Variants in MTX2 observed in about 807,000 individuals in gnomAD.
The protein encoded by MTX2 is metaxin-2.
Under a neutral mutation model 42.3 loss-of-function variants are expected in MTX2, and 35 were observed. The ratio of observed to expected loss-of-function variants is 0.83; its 90% confidence interval spans 0.63 to 1.10. MTX2 has a LOEUF of 1.10. Ranked by LOEUF, MTX2 falls within the 50% of genes least tolerant of loss-of-function variation. The pLI is 0.00. For missense variants in MTX2, 307 were observed against 304.1 expected (o/e 1.01, Z -0.07); for synonymous variants, 119 against 100.9 (o/e 1.18, Z -1.08).
intron 1 of MTX2, among the ~76,000 whole-genome samples, chr2:176,289,912 G>A (rs910027559): frequency 6.6e-6 from 1 of 151,958 alleles, no homozygotes; most frequent in Admixed American, 6.6e-5. Context: ...TAATTGAGAA[G>A]CCAAGTTTTT....
intron 3 of MTX2, among the ~76,000 whole-genome samples, chr2:176,310,630 A>T (rs1023598255): frequency 6.6e-6 from 1 of 151,946 alleles, no homozygotes; most frequent in African/African-American, 2.4e-5. Context: ...TTGTCTTCTC[A>T]CTTTATTTCA....
At chr2:176,289,487 G>A (rs1301164807) in intron 1 of MTX2, among the ~76,000 whole-genome samples, 1 of 151,932 alleles carries the variant, frequency 6.6e-6, no homozygotes, top group Admixed American at 6.6e-5. Flanking sequence ...AGAACTAACT[G>A]GACTTTTAAT....
chr2:176,307,941 T>C (rs1684194196), intron 3 of MTX2, among the ~76,000 whole-genome samples: 1 of 152,282 alleles, frequency 6.6e-6, no homozygotes, highest in Admixed American at 6.5e-5. Flanking sequence ...CTGTGTTCAA[T>C]AGGAGTGGTG....
At chr2:176,284,630 T>TGA (rs762235299) in intron 1 of MTX2, among the ~76,000 whole-genome samples, 12 of 152,208 alleles carry the variant, frequency 7.9e-5, no homozygotes, top group Non-Finnish European at 1.5e-4. Context: ...GGCTTATTCT[T>TGA]GAACATTATA....
At chr2:176,301,206 C>T (rs1385469390) in intron 3 of MTX2, among the ~76,000 whole-genome samples, 1 of 152,022 alleles carries the variant, frequency 6.6e-6, no homozygotes, top group Non-Finnish European at 1.5e-5. Flanking sequence ...CTATTGAAAG[C>T]TTTTATGTGG....
chr2:176,327,464 A>G (rs903444353), intron 5 of MTX2, among the ~76,000 whole-genome samples: 1 of 150,826 alleles, frequency 6.6e-6, no homozygotes, highest in East Asian at 1.9e-4. Context: ...AATCATAAAT[A>G]TGTTTGGAAA....
chr2:176,287,680 G>A (rs1403379012), intron 1 of MTX2, among the ~76,000 whole-genome samples: 1 of 152,078 alleles, frequency 6.6e-6, no homozygotes, highest in African/African-American at 2.4e-5. Flanking sequence ...GTAGCCAAAG[G>A]AATAGTTCTG....
intron 3 of MTX2, among the ~76,000 whole-genome samples, chr2:176,306,546 T>A (rs1022711845): frequency 6.6e-6 from 1 of 152,228 alleles, no homozygotes; most frequent in African/African-American, 2.4e-5. Context: ...AGCATTCCTA[T>A]TTCTCCACAT....
intron 3 of MTX2, among the ~76,000 whole-genome samples, chr2:176,322,158 T>G (rs2105438734): frequency 6.6e-6 from 1 of 152,176 alleles, no homozygotes; most frequent in East Asian, 1.9e-4. Context: ...TCTAAAGGAC[T>G]GGAGTTTTGA....
At position 176,330,630 on chromosome 2, in the gene MTX2, T is replaced by C; in HGVS notation, c.590T>C (p.Leu197Pro). The change falls in exon 9 of 10, where the codon CTG (leucine) becomes CCG (proline). Residue 197 changes from leucine (L) to proline (P), a missense_variant. Transcript: ENST00000249442. ...TGCTGTCAAGCTCTCTCTCAAAGAC[T>C]GGGAACACAACCGTATTTCTTCAAT... is the stretch of plus-strand genomic sequence containing the variant. Reference protein sequence around the residue: ...DQCCQALSQRLGTQPYFFNKQ... With the variant: ...DQCCQALSQRPGTQPYFFNKQ... 6.3e-7 allele frequency: 1 copy of C among 1,595,922 alleles called. No individual in the cohort carries two copies. Among genetic ancestry groups the C allele is most frequent in the Non-Finnish European group, 8.6e-7 (1 of 1,167,938 alleles).
chr2:176,333,634 A>G (rs1684911915), intron 9 of MTX2, among the ~76,000 whole-genome samples: 1 of 151,742 alleles, frequency 6.6e-6, no homozygotes. Flanking sequence ...GTGTGTGGAT[A>G]TATACAGTCA....
intron 1 of MTX2, among the ~76,000 whole-genome samples, chr2:176,282,134 T>TGTTTTTTTTTG (rs1163365846): frequency 7.4e-6 from 1 of 134,386 alleles, no homozygotes; most frequent in African/African-American, 2.8e-5. Context: ...TAGTTTTTTT[T>TGTTTTTTTTTG]TTTTTTTTTT....
rs568638562 is a variant in MTX2, at chr2:176,296,889, T to C, written c.70T>C (p.Leu24=). The C allele has an allele frequency of 6.2e-7, 1 of 1,613,488 alleles. No individual in the cohort carries two copies. The highest frequency in any genetic ancestry group is 2.2e-5 in the East Asian group (1 of 44,830). ...AAEPWPENAT[L]YQQLKGEQIL... ...AGAACCTTGGCCTGAAAATGCTACA[T>C]TATATCAGCAATTGAAAGGTAAGTC... is the stretch of plus-strand genomic sequence containing the variant. The change falls in exon 2 of 10, where the codon TTA becomes CTA. Residue 24 remains leucine, a synonymous_variant. Coordinates refer to ENST00000249442, the MANE Select transcript of MTX2 (RefSeq NM_006554.5).
At chr2:176,317,222 C>T (rs1407917136) in intron 3 of MTX2, among the ~76,000 whole-genome samples, 1 of 150,974 alleles carries the variant, frequency 6.6e-6, no homozygotes, top group African/African-American at 2.4e-5. Flanking sequence ...TTTTTTCCCT[C>T]CTTTCTTTTT....
intron 9 of MTX2, among the ~76,000 whole-genome samples, chr2:176,331,028 TC>T (rs2105446895): frequency 6.6e-6 from 1 of 151,278 alleles, no homozygotes; most frequent in African/African-American, 2.4e-5. Flanking sequence ...ACTATGGTTT[TC>T]TATATAGAAT....
At chr2:176,326,512 A>G (rs1364346006) in intron 4 of MTX2, among the ~76,000 whole-genome samples, 2 of 151,738 alleles carry the variant, frequency 1.3e-5, no homozygotes, top group Non-Finnish European at 3.0e-5. Context: ...TGTAATTTGG[A>G]TAATTAGTGT....
At position 176,337,700 on chromosome 2, in the gene MTX2, AAT is replaced by A; in HGVS notation, c.*39_*40del. 6.7e-7 allele frequency: 1 copy of A among 1,482,346 alleles called. No individual in the cohort carries two copies. Among genetic ancestry groups the A allele is most frequent in the Non-Finnish European group, 9.0e-7 (1 of 1,110,080 alleles). 91.8% of individuals were successfully genotyped at this position (1,482,346 alleles called of 1,614,324 possible). On this transcript the variant is annotated 3_prime_UTR_variant, in exon 10 of 10. Transcript: ENST00000249442. ...TAGTCTCAGGAGTCTTAACTTTTGAAATATGTTTTACTTGAATGTTACATTAG... is the reference window on the plus strand; with the variant it reads ...TAGTCTCAGGAGTCTTAACTTTTGAAATGTTTTACTTGAATGTTACATTAG...
intron 3 of MTX2, among the ~76,000 whole-genome samples, chr2:176,315,996 G>C (rs1176591733): frequency 6.6e-6 from 1 of 151,690 alleles, no homozygotes; most frequent in Non-Finnish European, 1.5e-5. Flanking sequence ...CTTGTTATCT[G>C]TATCCATTGT....
At chr2:176,334,583 G>T (rs556058614) in intron 9 of MTX2, among the ~76,000 whole-genome samples, 4 of 151,266 alleles carry the variant, frequency 2.6e-5, no homozygotes, top group Non-Finnish European at 4.4e-5. Context: ...AAACTATACT[G>T]TTGGCTACCC....
Sources: gnomAD v4.1 joint callset for allele counts (sites outside exome capture counted in the v4.1 genomes callset) on GRCh38, gnomAD v4.1.1 for gene constraint, MANE v1.5 for transcripts, NCBI Gene and HGNC (gene_info 2026-07-23, HGNC 2026-07-21) for gene names.